The following GLT8D2 variants were observed in gnomAD, a reference collection of about 807,000 sequenced individuals.
GLT8D2 encodes glycosyltransferase 8 domain containing 2, also known as glycosyltransferase 8 domain-containing protein 2.
GLT8D2 carries 45 observed loss-of-function variants against 44.5 expected under a neutral mutation model. That is an observed-to-expected ratio of 1.01 (90% CI 0.80 to 1.30). GLT8D2 has a LOEUF of 1.30. Among genes scored for constraint, GLT8D2 ranks in the 50% most tolerant of loss-of-function variants. GLT8D2 has a pLI of 0.00. For synonymous variants in GLT8D2, 156 were observed against 157.2 expected (o/e 0.99, Z 0.06); for missense variants, 400 against 430.4 (o/e 0.93, Z 0.62).
intron 4 of GLT8D2, chr12:104,014,139 G>A: frequency 1.8e-6 from 1 of 567,026 alleles, no homozygotes; most frequent in Non-Finnish European, 3.2e-6. Context: ...CAAGGTAGGA[G>A]GACAGCTTGA....
chr12:103,993,464 T>C lies in GLT8D2; in HGVS notation c.808A>G (p.Thr270Ala), dbSNP rs1446647220. Residue 270 changes from threonine (T) to alanine (A), a missense_variant, in exon 10 of 11, where the codon ACC (threonine) becomes GCC (alanine). Transcript: ENST00000360814. Reference protein sequence around the residue: ...YSSSLGGGVATSPMLIVFHGK... With the variant: ...YSSSLGGGVAASPMLIVFHGK... The stretch of plus-strand genomic sequence containing the variant: ...TGAAACACAATCAGCATTGGGGAGG[T>C]GGCCACCCCTCCTCCCAGGGAGCTG... The C allele has an allele frequency of 1.2e-6, 2 of 1,611,960 alleles. No individual in the cohort carries two copies. The highest frequency in any genetic ancestry group is 4.5e-5 in the East Asian group (2 of 44,742).
intron 1 of GLT8D2, among the ~76,000 whole-genome samples, chr12:104,030,264 T>C (rs1408358878): frequency 2.0e-5 from 3 of 152,144 alleles, no homozygotes; most frequent in Non-Finnish European, 4.4e-5. Flanking sequence ...AAGGATAGTC[T>C]CTTTAGTAAG....
At chr12:104,034,394 A>G (rs1157086480) in intron 1 of GLT8D2, among the ~76,000 whole-genome samples, 1 of 152,272 alleles carries the variant, frequency 6.6e-6, no homozygotes, top group East Asian at 1.9e-4. Flanking sequence ...AGCCAAGGGA[A>G]GCTGTGACAG....
chr12:103,992,737 C>A (rs1455882938), intron 10 of GLT8D2, among the ~76,000 whole-genome samples: 1 of 152,096 alleles, frequency 6.6e-6, no homozygotes, highest in African/African-American at 2.4e-5. Context: ...GGTTATCCAC[C>A]CTCCTCAGCC....
chr12:104,026,022 T>C (rs764983373), intron 1 of GLT8D2, among the ~76,000 whole-genome samples: 2 of 152,178 alleles, frequency 1.3e-5, no homozygotes, highest in Non-Finnish European at 1.5e-5. Flanking sequence ...CTCACAACTG[T>C]AATTCCAGCA....
In GLT8D2 at chr12:103,996,903, T is replaced by C. The variant is rs577983940; in HGVS notation, c.488-56A>G. 3.2e-4 allele frequency: 369 copies of C among 1,162,626 alleles called. No homozygotes were observed. In the African/African-American group the frequency reaches 5.0e-3, roughly 16 times the overall value. The allele number at this position is 1,162,626 out of a possible 1,614,324, so 72.0% of individuals were successfully genotyped here. On this transcript the variant is annotated intron_variant, in intron 7 of 10. Transcript: ENST00000360814. ...TTATAGCATTTGTTTTTGGGCTAGA[T>C]AGAGCCTTAGAGCTTAAACAGCTCT... is the stretch of plus-strand genomic sequence containing the variant.
chr12:103,989,949 G>T (rs1181662010), intron 10 of GLT8D2, among the ~76,000 whole-genome samples: 1 of 151,802 alleles, frequency 6.6e-6, no homozygotes, highest in African/African-American at 2.4e-5. Flanking sequence ...ATTATTTTTA[G>T]TGACTGTATA....
chr12:104,005,877 T>C (rs1430304356), intron 4 of GLT8D2, among the ~76,000 whole-genome samples: 2 of 152,196 alleles, frequency 1.3e-5, no homozygotes, highest in East Asian at 3.9e-4. Flanking sequence ...GCCATCCCAT[T>C]ACTGGGTATA....
intron 1 of GLT8D2, chr12:104,031,554 G>A: frequency 6.2e-7 from 1 of 1,611,180 alleles, no homozygotes; most frequent in Non-Finnish European, 8.5e-7. Flanking sequence ...AGGCCGGCGG[G>A]GAAGATACTG....
Position 103,999,519 on chromosome 12 carries a change from A to G in GLT8D2, c.285-5T>C. ...TTGGAATGTTCAATCCATTTTCTAA[A>G]AAGATGACCAAAAAAACCTCTAGTA... On this transcript the variant is annotated splice_region_variant and splice_polypyrimidine_tract_variant and intron_variant, in intron 5 of 10. Coordinates refer to ENST00000360814, the MANE Select transcript of GLT8D2 (RefSeq NM_001384711.1). 2 of 1,560,534 alleles carry G rather than the reference A, an allele frequency of 1.3e-6. No individual in the cohort carries two copies. Among genetic ancestry groups the G allele is most frequent in the South Asian group, 1.1e-5 (1 of 89,914 alleles).
At chr12:104,028,134 G>C (rs969519004) in intron 1 of GLT8D2, among the ~76,000 whole-genome samples, 1 of 152,150 alleles carries the variant, frequency 6.6e-6, no homozygotes, top group African/African-American at 2.4e-5. Flanking sequence ...GCAGATAATC[G>C]CATGCCAATT....
At chr12:104,010,429 G>C (rs1875682634) in intron 4 of GLT8D2, among the ~76,000 whole-genome samples, 1 of 152,136 alleles carries the variant, frequency 6.6e-6, no homozygotes, top group African/African-American at 2.4e-5. Flanking sequence ...AGATCCTCTG[G>C]GAAGCCTTTA....
chr12:103,994,518 T>TG lies in GLT8D2; in HGVS notation c.601-18dup. ...ATATGTGTTCTGTAAGGGAACAGGA[T>TG]GTGCATGCTTTTGACCAGCGAATCT... On this transcript the variant is annotated splice_polypyrimidine_tract_variant and intron_variant, in intron 8 of 10. Transcript: ENST00000360814. 1 of 1,578,794 alleles carries TG rather than the reference T, an allele frequency of 6.3e-7. No homozygotes were observed. Among genetic ancestry groups the TG allele is most frequent in the Non-Finnish European group, 8.6e-7 (1 of 1,160,884 alleles).
chr12:104,025,008 T>G (rs1234834152), intron 1 of GLT8D2, among the ~76,000 whole-genome samples: 1 of 140,284 alleles, frequency 7.1e-6, no homozygotes, highest in Non-Finnish European at 1.5e-5. Context: ...AGGTGGAGGT[T>G]GCAGTGAGCC....
At chr12:104,006,041 C>T (rs1472102157) in intron 4 of GLT8D2, among the ~76,000 whole-genome samples, 1 of 152,162 alleles carries the variant, frequency 6.6e-6, no homozygotes, top group South Asian at 2.1e-4. Flanking sequence ...CACCATGGAA[C>T]ACTATGCAGC....
At chr12:103,992,738 C>T (rs981567320) in intron 10 of GLT8D2, among the ~76,000 whole-genome samples, 73 of 152,226 alleles carry the variant, frequency 4.8e-4, no homozygotes, top group African/African-American at 1.6e-3. Context: ...GTTATCCACC[C>T]TCCTCAGCCT....
chr12:104,036,990 G>A (rs1246461614), intron 1 of GLT8D2, among the ~76,000 whole-genome samples: 1 of 151,788 alleles, frequency 6.6e-6, no homozygotes, highest in Non-Finnish European at 1.5e-5. Context: ...AATCAAATTA[G>A]AACTCAGGAT....
intron 1 of GLT8D2, among the ~76,000 whole-genome samples, chr12:104,060,315 C>T (rs1232908966): frequency 6.6e-6 from 1 of 152,170 alleles, no homozygotes; most frequent in Admixed American, 6.5e-5. Context: ...AACTCTCCTC[C>T]TAGGTTGTTG....
intron 8 of GLT8D2, among the ~76,000 whole-genome samples, chr12:103,995,816 A>G (rs1873342959): frequency 6.6e-6 from 1 of 152,236 alleles, no homozygotes; most frequent in Admixed American, 6.5e-5. Context: ...CACAGGAGTC[A>G]TGGAAATACT....
Sources: gnomAD v4.1 joint callset for allele counts (sites outside exome capture counted in the v4.1 genomes callset) on GRCh38, gnomAD v4.1.1 for gene constraint, MANE v1.5 for transcripts, NCBI Gene and HGNC (gene_info 2026-07-23, HGNC 2026-07-21) for gene names.